Variants in SNX4 observed in about 807,000 individuals in gnomAD.
SNX4 encodes the protein sorting nexin 4.
Under a neutral mutation model 70.8 loss-of-function variants are expected in SNX4, and 49 were observed. The ratio of observed to expected loss-of-function variants is 0.69; its 90% CI spans 0.55 to 0.88. The LOEUF (loss-of-function observed/expected upper bound fraction) is 0.88. Among genes scored for constraint, SNX4 ranks in the 40% least tolerant of loss-of-function variants. The pLI, the probability that SNX4 is intolerant of heterozygous loss-of-function variation, is 0.00. For missense variants in SNX4, 528 were observed against 544.8 expected (o/e 0.97, Z 0.31); for synonymous variants, 206 against 183.8 (o/e 1.12, Z -0.98).
chr3:125,488,172 T>TAAAAA (rs35693375), intron 6 of SNX4, among the ~76,000 whole-genome samples: 1 of 93,560 alleles, frequency 1.1e-5, no homozygotes, highest in African/African-American at 3.8e-5. Context: ...AATAGTCTAT[T>TAAAAA]AAAAAAAAAA....
In SNX4 at chr3:125,504,633, T is replaced by C. The variant is rs766577378; in HGVS notation, c.253A>G (p.Ile85Val). 2.5e-6 allele frequency: 4 copies of C among 1,606,080 alleles called. No individual in the cohort carries two copies. The highest frequency in any genetic ancestry group is 2.2e-5 in the East Asian group (1 of 44,718). The change falls in exon 2 of 14, where the codon ATT becomes GTT. Residue 85 changes from isoleucine to valine, a missense_variant. Physicochemically the swap from Ile to Val is conservative, Grantham distance 29 (BLOSUM62 3). Transcript: ENST00000251775. ...ATTTCTGTTACCCACCTTGTTTCAA[T>C]GAGGTAAGCAGTATATGTTTCTTGC... ...NMQETYTAYL[I>V]ETRSVEHTDG...
Position 125,482,501 on chromosome 3 carries a change from T to A in SNX4, c.654-2182A>T, listed in dbSNP as rs182085331. 2.0e-3 allele frequency among the ~76,000 whole-genome samples: 301 copies of A among 152,188 alleles called. 1 individual carries two copies. The highest frequency in any genetic ancestry group is 3.8e-3 in the Admixed American group (58 of 15,268). ...CTCTGCCAATGCCCTAAATTCAGAT[T>A]AGCATCATCATCTCTCACCAGTCCT... On this transcript the variant is annotated intron_variant, in intron 6 of 13. Coordinates refer to ENST00000251775, the MANE Select transcript of SNX4 (RefSeq NM_003794.4).
intron 2 of SNX4, among the ~76,000 whole-genome samples, chr3:125,499,795 G>T (rs1224717888): frequency 1.3e-5 from 2 of 150,674 alleles, no homozygotes; most frequent in Non-Finnish European, 2.9e-5. Flanking sequence ...GCGGTTGGAT[G>T]CGGTGGCTCA....
At position 125,520,182 on chromosome 3, in the gene SNX4, TC is replaced by T. The variant is rs1935379728; in HGVS notation, c.-11del. ...GAGGTGCCTGCTCCATGGCTGCAGT[TC>T]GGCGCGGCGAACCCAGTGCGCCTGC... On this transcript the variant is annotated 5_prime_UTR_variant, in exon 1 of 14. Coordinates refer to ENST00000251775, the MANE Select transcript of SNX4 (RefSeq NM_003794.4). 5.7e-6 allele frequency: 7 copies of T among 1,231,602 alleles called. No homozygotes were observed. The highest frequency in any genetic ancestry group is 7.2e-6 in the Non-Finnish European group (7 of 976,796). The allele number at this position is 1,231,602 out of a possible 1,614,324, so 76.3% of individuals were successfully genotyped here.
At chr3:125,512,679 G>C (rs1301220340) in intron 1 of SNX4, among the ~76,000 whole-genome samples, 1 of 152,106 alleles carries the variant, frequency 6.6e-6, no homozygotes, top group Non-Finnish European at 1.5e-5. Flanking sequence ...ATTATGCGTA[G>C]AGAAGAGGTA....
intron 5 of SNX4, among the ~76,000 whole-genome samples, chr3:125,496,357 A>G (rs1208153340): frequency 6.6e-6 from 1 of 152,140 alleles, no homozygotes; most frequent in East Asian, 1.9e-4. Flanking sequence ...CTGGTTTATC[A>G]TATTTTCTCT....
At chr3:125,471,393 A>C (rs1489199961) in intron 8 of SNX4, among the ~76,000 whole-genome samples, 1 of 137,588 alleles carries the variant, frequency 7.3e-6, no homozygotes, top group African/African-American at 2.7e-5. Flanking sequence ...CTTACCATAC[A>C]TGTAATTAAA....
Position 125,495,275 on chromosome 3 carries a change from T to TATATATATATATACAC in SNX4, c.597+2065_597+2066insGTGTATATATATATAT. Among the ~76,000 whole-genome samples the TATATATATATATACAC allele has an allele frequency of 4.0e-4, 33 of 83,058 alleles. 1 individual carries two copies. The highest frequency in any genetic ancestry group is 1.2e-3 in the Admixed American group (7 of 5,808). The allele number at this position is 83,058 out of a possible 152,430, so 54.5% of individuals were successfully genotyped here. ...TTATATATATATATATATATATATATATACACATACACACACACACACGTA... is the reference window on the plus strand; with the variant it reads ...TTATATATATATATATATATATATATATATATATATATACACATACACATACACACACACACACGTA... On this transcript the variant is annotated intron_variant, in intron 5 of 13. Coordinates refer to ENST00000251775, the MANE Select transcript of SNX4 (RefSeq NM_003794.4).
At chr3:125,448,431 G>A (rs1933484821) in intron 13 of SNX4, among the ~76,000 whole-genome samples, 1 of 151,492 alleles carries the variant, frequency 6.6e-6, no homozygotes, top group Non-Finnish European at 1.5e-5. Flanking sequence ...CACAGTGCCC[G>A]GCTCGGTTTT....
intron 2 of SNX4, 36 bp downstream of exon 2, chr3:125,504,587 C>A (rs774864005): frequency 6.3e-7 from 1 of 1,590,192 alleles, no homozygotes; most frequent in East Asian, 2.3e-5. Flanking sequence ...AAAAAGCTTT[C>A]TGTCTACCTG....
At chr3:125,517,194 GGAA>G (rs1935301519) in intron 1 of SNX4, 1 of 152,072 alleles carries the variant, frequency 6.6e-6, no homozygotes, top group South Asian at 2.1e-4. Flanking sequence ...ATGGCTTAAT[GGAA>G]GAAGCACTGA....
chr3:125,453,750 T>A (rs768222636), intron 12 of SNX4, 60 bp downstream of exon 12: 7 of 1,430,424 alleles, frequency 4.9e-6, no homozygotes, highest in East Asian at 4.7e-5. Context: ...AATAAATAAA[T>A]AAAATAATCT....
chr3:125,509,320 A>G (rs1935116480), intron 1 of SNX4, among the ~76,000 whole-genome samples: 3 of 149,410 alleles, frequency 2.0e-5, no homozygotes, highest in Admixed American at 6.6e-5. Flanking sequence ...ACAAGAGCGA[A>G]ACTCCGTCTC....
rs1369194145 is a variant in SNX4 at position 125,454,719 on chromosome 3, TTA to T, written c.1045-766_1045-765del. 3.9e-5 allele frequency among the ~76,000 whole-genome samples: 6 copies of T among 152,178 alleles called. No homozygotes were observed. In the South Asian group the frequency reaches 1.2e-3, roughly 31 times the overall value. On this transcript the variant is annotated intron_variant, in intron 11 of 13. Coordinates refer to ENST00000251775, the MANE Select transcript of SNX4 (RefSeq NM_003794.4). ...TTAAAAATGGACAAGATGGTACATTTTATGTTATATATATTTCACTACACACA... is the reference window on the plus strand; with the variant it reads ...TTAAAAATGGACAAGATGGTACATTTTGTTATATATATTTCACTACACACA...
chr3:125,457,811 A>C (rs535688988), intron 10 of SNX4, among the ~76,000 whole-genome samples: 61 of 152,154 alleles, frequency 4.0e-4, no homozygotes, highest in African/African-American at 1.5e-3. Flanking sequence ...TGCTGACCTG[A>C]GGTGACCCAC....
rs768315103 is a variant in SNX4, at chr3:125,497,988, G to T, written c.400-5C>A. ...TTTATGCCAAACAAATTCTGCCTAG[G>T]TAAACAAAATAATCATTAAGAATAG... On this transcript the variant is annotated splice_polypyrimidine_tract_variant and splice_region_variant and intron_variant, in intron 3 of 13. Coordinates refer to ENST00000251775, the MANE Select transcript of SNX4 (RefSeq NM_003794.4). 2 of 1,614,014 alleles carry T rather than the reference G, an allele frequency of 1.2e-6. No individual in the cohort carries two copies. The highest frequency in any genetic ancestry group is 1.7e-6 in the Non-Finnish European group (2 of 1,180,010).
Position 125,520,041 on chromosome 3 carries a change from C to G in SNX4, c.132G>C (p.Gly44=). 1 of 1,565,926 alleles carries G rather than the reference C, an allele frequency of 6.4e-7. No homozygotes were observed. The highest frequency in any genetic ancestry group is 1.2e-5 in the South Asian group (1 of 85,830). The change falls in exon 1 of 14, where the codon GGG becomes GGC. Residue 44 remains glycine, a synonymous_variant. Transcript: ENST00000251775. ...EAEGAGEESS[G]VDTMTHNNFW... ...CGCCCCTTCTCCTCACCGTGTCGAC[C>G]CCAGAGCTCTCTTCTCCGGCCCCCT...
intron 5 of SNX4, among the ~76,000 whole-genome samples, chr3:125,493,736 C>T (rs13321296): frequency 0.068 from 10,132 of 149,328 alleles, 447 homozygotes; most frequent in South Asian, 0.1. Context: ...AAAAATCTTA[C>T]GAAAATATTG....
At chr3:125,496,366 C>T (rs948738738) in intron 5 of SNX4, among the ~76,000 whole-genome samples, 4 of 152,064 alleles carry the variant, frequency 2.6e-5, no homozygotes, top group Non-Finnish European at 1.5e-5. Flanking sequence ...CATATTTTCT[C>T]TGCAGAAAAA....
Sources: gnomAD v4.1 joint callset for allele counts (sites outside exome capture counted in the v4.1 genomes callset) on GRCh38, gnomAD v4.1.1 for gene constraint, MANE v1.5 for transcripts, NCBI Gene and HGNC (gene_info 2026-07-23, HGNC 2026-07-21) for gene names.